Variants in RBFOX1 observed in about 807,000 individuals in gnomAD.
The protein encoded by RBFOX1 is RNA binding fox-1 homolog 1.
Under a neutral mutation model 57.7 loss-of-function variants are expected in RBFOX1, and 8 were observed. The observed-to-expected ratio is 0.14, with a 90% confidence interval of 0.08 to 0.25. The LOEUF (loss-of-function observed/expected upper bound fraction) is 0.25, where lower values mean the gene tolerates loss of function less well. Among genes scored for constraint, RBFOX1 ranks in the 10% least tolerant of loss-of-function variants. RBFOX1 has a pLI of 1.00. For missense variants in RBFOX1, 611 were observed against 548.5 expected (o/e 1.11, Z -1.14); for synonymous variants, 326 against 222.4 (o/e 1.47, Z -4.15).
Position 6,236,439 on chromosome 16 carries a change from A to T in RBFOX1, c.-126-80556A>T, listed in dbSNP as rs899558300. ...AATATTAGCCTTTATTATGATGTTTATTTTTTTTTTTTTGAGGCAGAGTCT... is the reference window on the plus strand; with the variant it reads ...AATATTAGCCTTTATTATGATGTTTTTTTTTTTTTTTTTGAGGCAGAGTCT... On this transcript the variant is annotated intron_variant, in intron 1 of 15. Coordinates refer to ENST00000550418, the MANE Select transcript of RBFOX1 (RefSeq NM_018723.4). Among the ~76,000 whole-genome samples the T allele has an allele frequency of 9.6e-5, 14 of 145,384 alleles. No homozygotes were observed. The Middle Eastern group carries it at 0.024, about 252-fold the overall frequency.
chr16:5,401,593 A>G (rs148535939), intron 1 of RBFOX1, among the ~76,000 whole-genome samples: 2 of 152,230 alleles, frequency 1.3e-5, no homozygotes, highest in African/African-American at 2.4e-5. Flanking sequence ...AAATGATTCA[A>G]ATATTAATTG....
chr16:5,364,395 G>C (rs1001202200), intron 1 of RBFOX1, among the ~76,000 whole-genome samples: 1 of 152,196 alleles, frequency 6.6e-6, no homozygotes, highest in Non-Finnish European at 1.5e-5. Context: ...AAACAAGCCA[G>C]TTGCCAATCG....
At chr16:6,930,572 G>A (rs2076339409) in intron 3 of RBFOX1, among the ~76,000 whole-genome samples, 2 of 151,988 alleles carry the variant, frequency 1.3e-5, no homozygotes, top group African/African-American at 4.8e-5. Context: ...ACCATGCCTG[G>A]CTAATTTTGG....
At chr16:6,134,643 C>A (rs536171300) in intron 1 of RBFOX1, among the ~76,000 whole-genome samples, 2 of 151,738 alleles carry the variant, frequency 1.3e-5, no homozygotes, top group African/African-American at 4.8e-5. Context: ...ACTGTCAGTG[C>A]CCCCTGTGGC....
intron 2 of RBFOX1, among the ~76,000 whole-genome samples, chr16:6,472,437 C>T (rs987994882): frequency 1.3e-5 from 2 of 152,164 alleles, no homozygotes; most frequent in African/African-American, 4.8e-5. Flanking sequence ...TATTTCTGCA[C>T]TTGGCCCAAG....
At chr16:6,480,676 T>C (rs995676710) in intron 2 of RBFOX1, among the ~76,000 whole-genome samples, 2 of 152,210 alleles carry the variant, frequency 1.3e-5, no homozygotes, top group African/African-American at 2.4e-5. Context: ...CCTATAATAT[T>C]ATATTAGTGC....
chr16:7,330,507 TGTTTGTGTGTGTGTGTGTAGAG>T (rs1419498140), intron 4 of RBFOX1, among the ~76,000 whole-genome samples: 2 of 76,592 alleles, frequency 2.6e-5, no homozygotes, highest in African/African-American at 1.4e-4. Context: ...TGTGTGTGTG[TGTTTGTGTGTGTGTGTGTAGAG>T]AGAGAGAGAG....
At chr16:6,821,991 C>T (rs1238919184) in intron 3 of RBFOX1, among the ~76,000 whole-genome samples, 4 of 152,136 alleles carry the variant, frequency 2.6e-5, no homozygotes, top group African/African-American at 9.7e-5. Context: ...TGATACTTCG[C>T]TGACATACCT....
chr16:6,027,965 A>G (rs2095228055), intron 1 of RBFOX1, among the ~76,000 whole-genome samples: 1 of 152,170 alleles, frequency 6.6e-6, no homozygotes, highest in Non-Finnish European at 1.5e-5. Context: ...AGAGAGAAAC[A>G]CTAATTTATT....
At chr16:5,709,433 C>T (rs556249235) in intron 3 of RBFOX1, among the ~76,000 whole-genome samples, 1 of 152,226 alleles carries the variant, frequency 6.6e-6, no homozygotes, top group South Asian at 2.1e-4. Context: ...GAATTTAAAA[C>T]AGATTTTCGT....
At chr16:7,389,965 T>A (rs1408450521) in intron 4 of RBFOX1, among the ~76,000 whole-genome samples, 1 of 152,166 alleles carries the variant, frequency 6.6e-6, no homozygotes, top group Non-Finnish European at 1.5e-5. Context: ...AGAGGTTTAA[T>A]TGGCTCACAG....
intron 2 of RBFOX1, among the ~76,000 whole-genome samples, chr16:6,317,501 C>G (rs1249461435): frequency 1.3e-5 from 2 of 151,466 alleles, no homozygotes; most frequent in Admixed American, 6.6e-5. Flanking sequence ...TTCATTTGCT[C>G]TTTTTGAGCT....
At chr16:6,366,124 T>C (rs951621547) in intron 2 of RBFOX1, among the ~76,000 whole-genome samples, 1 of 150,298 alleles carries the variant, frequency 6.7e-6, no homozygotes, top group Non-Finnish European at 1.5e-5. Context: ...TGTGTGTGTG[T>C]CTGCCTGCCT....
At chr16:7,234,170 G>A (rs1008814330) in intron 4 of RBFOX1, among the ~76,000 whole-genome samples, 3 of 152,004 alleles carry the variant, frequency 2.0e-5, no homozygotes, top group Admixed American at 6.6e-5. Flanking sequence ...TGTGGCTCAC[G>A]GCAGGCAATC....
chr16:5,328,522 G>A lies in RBFOX1; in HGVS notation c.219+88417G>A, dbSNP rs531270192. On this transcript the variant is annotated intron_variant, in intron 1 of 2. Coordinates refer to the RBFOX1 transcript ENST00000585867. ...ATGCCTTCAAGAATAACTCAGCCTC[G>A]ATGACAAAGCATTGCTAATGTCCCA... Among the ~76,000 whole-genome samples the A allele has an allele frequency of 6.6e-5, 10 of 152,352 alleles. No homozygotes were observed. The East Asian group carries it at 1.4e-3, about 21-fold the overall frequency.
At chr16:7,204,985 T>C (rs2089615192) in intron 4 of RBFOX1, among the ~76,000 whole-genome samples, 1 of 152,224 alleles carries the variant, frequency 6.6e-6, no homozygotes, top group Admixed American at 6.5e-5. Flanking sequence ...TATTGTGACT[T>C]TCTCTTTATC....
chr16:6,890,928 C>A (rs555290804), intron 3 of RBFOX1, among the ~76,000 whole-genome samples: 18 of 152,152 alleles, frequency 1.2e-4, no homozygotes, highest in African/African-American at 3.4e-4. Flanking sequence ...TGAACAGACT[C>A]TTGCTTGCTT....
chr16:5,910,789 C>G lies in RBFOX1; in HGVS notation c.351+43454C>G, dbSNP rs541010451. 1.8e-4 allele frequency among the ~76,000 whole-genome samples: 27 copies of G among 152,308 alleles called. No homozygotes were observed. In the South Asian group the frequency reaches 3.5e-3, roughly 20 times the overall value. On this transcript the variant is annotated intron_variant, in intron 4 of 19. Coordinates refer to the RBFOX1 transcript ENST00000641259. Reference sequence around the variant, plus strand: ...ACTTTGTTTGTTTGTTTTTGCCCATCTGAGTTTCTCTGTGTGCAGTGCAGG... The same window carrying G: ...ACTTTGTTTGTTTGTTTTTGCCCATGTGAGTTTCTCTGTGTGCAGTGCAGG...
intron 4 of RBFOX1, among the ~76,000 whole-genome samples, chr16:7,311,166 T>C (rs1345585828): frequency 2.0e-5 from 3 of 152,140 alleles, no homozygotes; most frequent in Non-Finnish European, 4.4e-5. Flanking sequence ...AGGAGGGCTT[T>C]GAGATGATGG....
Sources: gnomAD v4.1 joint callset for allele counts (sites outside exome capture counted in the v4.1 genomes callset) on GRCh38, gnomAD v4.1.1 for gene constraint, MANE v1.5 for transcripts, NCBI Gene and HGNC (gene_info 2026-07-23, HGNC 2026-07-21) for gene names.